The following SEMA3C variants were observed in gnomAD, a reference collection of about 807,000 sequenced individuals.
SEMA3C encodes the protein semaphorin 3C, also known as semaphorin-3C.
A neutral mutation model predicts 89.4 loss-of-function variants in SEMA3C; 47 were observed. That is an observed-to-expected ratio of 0.53 (90% CI 0.42 to 0.67). SEMA3C has a LOEUF of 0.67. SEMA3C is among the 30% of genes least tolerant of loss of function. The probability of loss-of-function intolerance (pLI) is 0.00; values close to 1 mark genes in which losing one functional copy is unlikely to be tolerated. For synonymous variants in SEMA3C, 310 were observed against 320.2 expected, an observed-to-expected ratio of 0.97 and a Z score of 0.34; for missense variants, 839 against 929.1, an observed-to-expected ratio of 0.90 and a Z score of 1.26.
intron 4 of SEMA3C, among the ~76,000 whole-genome samples, chr7:80,820,554 C>T (rs1195675740): frequency 6.6e-6 from 1 of 152,040 alleles, no homozygotes; most frequent in African/African-American, 2.4e-5. Context: ...ACAGATGTTT[C>T]TATGATAGAT....
intron 15 of SEMA3C, among the ~76,000 whole-genome samples, chr7:80,751,965 C>A (rs1230651861): frequency 6.6e-6 from 1 of 152,154 alleles, no homozygotes; most frequent in African/African-American, 2.4e-5. Flanking sequence ...CCTAGATTCA[C>A]AAATTGTTAT....
At chr7:80,922,117 C>G (rs1234195993), upstream of SEMA3C, 5 of 449,054 alleles carry the variant, frequency 1.1e-5, no homozygotes, top group Admixed American at 1.4e-4. Flanking sequence ...GCATAGCATT[C>G]TTTAATGAAG....
intron 4 of SEMA3C, among the ~76,000 whole-genome samples, chr7:80,825,232 G>A (rs1228686463): frequency 6.6e-6 from 1 of 152,024 alleles, no homozygotes; most frequent in Non-Finnish European, 1.5e-5. Flanking sequence ...TATTTCACAT[G>A]TATGAAATGG....
intron 2 of SEMA3C, among the ~76,000 whole-genome samples, chr7:80,916,132 A>G (rs1792267580): frequency 6.6e-6 from 1 of 152,238 alleles, no homozygotes; most frequent in Non-Finnish European, 1.5e-5. Context: ...CATCAAAAGC[A>G]TATTTCCAAT....
rs377592086 is a variant in SEMA3C, at chr7:80,864,173, A to G, written c.104-35428T>C. 2.6e-5 allele frequency among the ~76,000 whole-genome samples: 4 copies of G among 152,084 alleles called. No individual in the cohort carries two copies. In the East Asian group the frequency reaches 5.8e-4, roughly 22 times the overall value. On this transcript the variant is annotated intron_variant, in intron 2 of 17. Coordinates refer to ENST00000265361, the MANE Select transcript of SEMA3C (RefSeq NM_006379.5). Reference sequence around the variant, plus strand: ...AACCAAACTTTGTATGCTGTTAGTGATATGTGGGAGCTAAGCTATGAGGAT... The same window carrying G: ...AACCAAACTTTGTATGCTGTTAGTGGTATGTGGGAGCTAAGCTATGAGGAT...
At chr7:80,919,719 G>A (rs964276313), upstream of SEMA3C, among the ~76,000 whole-genome samples, 9 of 151,968 alleles carry the variant, frequency 5.9e-5, no homozygotes, top group African/African-American at 2.2e-4. Flanking sequence ...CTCCTGAATA[G>A]CTGGGACTAC....
chr7:80,820,805 T>C (rs1238756586), intron 4 of SEMA3C, among the ~76,000 whole-genome samples: 2 of 152,260 alleles, frequency 1.3e-5, no homozygotes, highest in East Asian at 1.9e-4. Context: ...GTAAAGGGAA[T>C]CTATGAGGAA....
At chr7:80,875,102 A>C (rs1464233981) in intron 2 of SEMA3C, among the ~76,000 whole-genome samples, 4 of 32,512 alleles carry the variant, frequency 1.2e-4, no homozygotes, top group African/African-American at 2.1e-4. Flanking sequence ...AAACAAAACC[A>C]AAAAAAAAAA....
At chr7:80,856,507 A>G (rs1190723961) in intron 2 of SEMA3C, among the ~76,000 whole-genome samples, 6 of 150,282 alleles carry the variant, frequency 4.0e-5, no homozygotes, top group African/African-American at 1.5e-4. Context: ...AGAGATTTTC[A>G]AAGTGTACAC....
chr7:80,849,598 G>A (rs1223213719), intron 2 of SEMA3C, among the ~76,000 whole-genome samples: 1 of 152,134 alleles, frequency 6.6e-6, no homozygotes, highest in African/African-American at 2.4e-5. Flanking sequence ...TGAGGGTACA[G>A]AGTAACAGAT....
chr7:80,817,574 G>A (rs1324797288), intron 5 of SEMA3C, among the ~76,000 whole-genome samples: 2 of 150,836 alleles, frequency 1.3e-5, no homozygotes, highest in African/African-American at 5.0e-5. Flanking sequence ...AACAAAGACA[G>A]GCTTAAGTAG....
chr7:80,843,121 G>A (rs1022807454), intron 2 of SEMA3C, among the ~76,000 whole-genome samples: 2 of 152,100 alleles, frequency 1.3e-5, no homozygotes, highest in African/African-American at 4.8e-5. Flanking sequence ...GAAGTAATAA[G>A]TTCTAATGCT....
chr7:80,866,270 A>G (rs988243177), intron 2 of SEMA3C, among the ~76,000 whole-genome samples: 4 of 126,566 alleles, frequency 3.2e-5, no homozygotes, highest in Admixed American at 3.0e-4. Flanking sequence ...CCTGAGACTA[A>G]AAGACAAACT....
chr7:80,919,079 C>A (rs1792348627), upstream of SEMA3C: 7 of 985,122 alleles, frequency 7.1e-6, no homozygotes, highest in African/African-American at 1.7e-5. Flanking sequence ...AGGCCGGGGG[C>A]GAGCGCTCTT....
chr7:80,795,667 C>T (rs1789046365), intron 11 of SEMA3C, among the ~76,000 whole-genome samples: 1 of 152,326 alleles, frequency 6.6e-6, no homozygotes, highest in Non-Finnish European at 1.5e-5. Context: ...TTATGTAGAA[C>T]AATTGCTGCC....
chr7:80,784,146 T>A (rs540855458), intron 12 of SEMA3C, among the ~76,000 whole-genome samples: 53 of 152,266 alleles, frequency 3.5e-4, no homozygotes, highest in Admixed American at 2.0e-3. Context: ...AAAAATCTCT[T>A]GACTGTGTTA....
intron 2 of SEMA3C, among the ~76,000 whole-genome samples, chr7:80,866,493 TAAATAAA>T (rs1226797580): frequency 1.3e-5 from 2 of 151,912 alleles, no homozygotes; most frequent in African/African-American, 4.8e-5. Context: ...AAAAAATAAA[TAAATAAA>T]AAATAAAAAA....
Position 80,742,896 on chromosome 7 carries a change from G to A in SEMA3C, c.*1998C>T, listed in dbSNP as rs891075971. 1 of 151,898 alleles carries A rather than the reference G, an allele frequency of 6.6e-6. No individual in the cohort carries two copies. The highest frequency in any genetic ancestry group is 1.5e-5 in the Non-Finnish European group (1 of 67,830). 9.4% of individuals were successfully genotyped at this position (151,898 alleles called of 1,614,324 possible). ...GAATTTCTACATTTTTAAAAGTAATGAAAGTGTACACAATTTAATAATTGT... is the reference window on the plus strand; with the variant it reads ...GAATTTCTACATTTTTAAAAGTAATAAAAGTGTACACAATTTAATAATTGT... On this transcript the variant is annotated 3_prime_UTR_variant, in exon 18 of 18. Coordinates refer to ENST00000265361, the MANE Select transcript of SEMA3C (RefSeq NM_006379.5).
upstream of SEMA3C, among the ~76,000 whole-genome samples, chr7:80,921,473 C>T (rs564660396): frequency 3.9e-5 from 6 of 152,320 alleles, no homozygotes; most frequent in African/African-American, 1.4e-4. Context: ...TTTCCCCACA[C>T]TGCTTAAAAC....
Sources: gnomAD v4.1 joint callset for allele counts (sites outside exome capture counted in the v4.1 genomes callset) on GRCh38, gnomAD v4.1.1 for gene constraint, MANE v1.5 for transcripts, NCBI Gene and HGNC (gene_info 2026-07-23, HGNC 2026-07-21) for gene names.